Variants in SNX18 observed in about 807,000 individuals in gnomAD.
SNX18 encodes sorting nexin-18.
SNX18 carries 35 observed loss-of-function variants against 48.7 expected under a neutral mutation model. The ratio of observed to expected loss-of-function variants is 0.72; its 90% CI spans 0.55 to 0.95. The LOEUF (loss-of-function observed/expected upper bound fraction) is 0.95, where lower values mean the gene tolerates loss of function less well. Among genes scored for constraint, SNX18 ranks in the 40% least tolerant of loss-of-function variants. SNX18 has a pLI of 0.00. For synonymous variants in SNX18, 492 were observed against 384.7 expected (o/e 1.28, Z -3.26); for missense variants, 824 against 871.0 (o/e 0.95, Z 0.68).
chr5:54,605,696 G>A, the SNX18 span, among the ~76,000 whole-genome samples: 23 of 152,148 alleles, frequency 1.5e-4, no homozygotes, highest in South Asian at 2.1e-3. Context: ...GTCTTGCACC[G>A]TCACCCAGGC....
At chr5:54,611,354 A>G in the SNX18 span, among the ~76,000 whole-genome samples, 10 of 152,124 alleles carry the variant, frequency 6.6e-5, no homozygotes, top group Non-Finnish European at 7.4e-5. Flanking sequence ...CCAGAGAGAG[A>G]ATCACCATGC....
Position 54,518,321 on chromosome 5 carries a change from C to T in SNX18, c.369C>T (p.Gly123=), listed in dbSNP as rs886065458. 6.5e-7 allele frequency: 1 copy of T among 1,541,086 alleles called. No individual in the cohort carries two copies. Among genetic ancestry groups the T allele is most frequent in the Non-Finnish European group, 8.7e-7 (1 of 1,146,768 alleles). Reference sequence around the variant, plus strand: ...CTCCGAGCACCTTCCAGCCGCCCGGCGCGGGCTTCCCGTACGGCGGGGGCG... The same window carrying T: ...CTCCGAGCACCTTCCAGCCGCCCGGTGCGGGCTTCCCGTACGGCGGGGGCG... ...APPPSTFQPP[G]AGFPYGGGAL... Residue 123 remains glycine (G), a synonymous_variant, in exon 1 of 2, where the codon GGC becomes GGT. Coordinates refer to ENST00000381410, the MANE Select transcript of SNX18 (RefSeq NM_001102575.2).
the SNX18 span, among the ~76,000 whole-genome samples, chr5:54,611,667 A>G: frequency 6.6e-6 from 1 of 152,186 alleles, no homozygotes; most frequent in Non-Finnish European, 1.5e-5. Context: ...AAGAGGTTTC[A>G]GTCTATACCT....
At chr5:54,526,257 AC>A (rs1762129842) in intron 1 of SNX18, among the ~76,000 whole-genome samples, 1 of 152,096 alleles carries the variant, frequency 6.6e-6, no homozygotes, top group South Asian at 2.1e-4. Flanking sequence ...GGCATGTGCC[AC>A]CATGCTTGGC....
the SNX18 span, among the ~76,000 whole-genome samples, chr5:54,641,453 G>T: frequency 6.6e-6 from 1 of 152,080 alleles, no homozygotes; most frequent in Non-Finnish European, 1.5e-5. Context: ...GAGCTCTCTG[G>T]TTGAAGTTGG....
the SNX18 span, among the ~76,000 whole-genome samples, chr5:54,577,624 T>A: frequency 4.6e-5 from 7 of 152,120 alleles, no homozygotes; most frequent in Non-Finnish European, 1.0e-4. Flanking sequence ...TCCAGCCACA[T>A]GAAGATGAAC....
the SNX18 span, among the ~76,000 whole-genome samples, chr5:54,559,314 C>T: frequency 6.6e-6 from 1 of 152,192 alleles, no homozygotes; most frequent in South Asian, 2.1e-4. Context: ...TGCTACCCAA[C>T]TTCAAATTAC....
the SNX18 span, among the ~76,000 whole-genome samples, chr5:54,618,932 A>G: frequency 6.6e-6 from 1 of 151,320 alleles, no homozygotes; most frequent in Non-Finnish European, 1.5e-5. Context: ...TTCGAGTTTA[A>G]TATCTGAAAA....
the SNX18 span, among the ~76,000 whole-genome samples, chr5:54,575,200 T>C: frequency 6.6e-6 from 1 of 151,976 alleles, no homozygotes; most frequent in Non-Finnish European, 1.5e-5. Flanking sequence ...GGAGTCCAGC[T>C]ACCCCAAAGC....
At chr5:54,635,783 T>G in the SNX18 span, among the ~76,000 whole-genome samples, 1 of 152,246 alleles carries the variant, frequency 6.6e-6, no homozygotes, top group African/African-American at 2.4e-5. Flanking sequence ...CTTGATTTAA[T>G]GCTCTGCTGC....
chr5:54,595,723 C>A, the SNX18 span, among the ~76,000 whole-genome samples: 1 of 152,274 alleles, frequency 6.6e-6, no homozygotes, highest in East Asian at 1.9e-4. Flanking sequence ...GCTGCTGTAA[C>A]AAATTGTCAC....
the SNX18 span, among the ~76,000 whole-genome samples, chr5:54,609,343 T>A: frequency 1.3e-5 from 2 of 152,146 alleles, no homozygotes; most frequent in Non-Finnish European, 2.9e-5. Context: ...TTATGATTTA[T>A]CCTTCTCTTT....
At chr5:54,549,162 G>T (rs1762616650), downstream of SNX18, among the ~76,000 whole-genome samples, 1 of 152,204 alleles carries the variant, frequency 6.6e-6, no homozygotes, top group East Asian at 1.9e-4. Context: ...TGGACATATT[G>T]TGAGAAATGA....
chr5:54,601,975 T>C, the SNX18 span, among the ~76,000 whole-genome samples: 1 of 152,220 alleles, frequency 6.6e-6, no homozygotes, highest in African/African-American at 2.4e-5. Flanking sequence ...TAATTCCCTA[T>C]TCTCTGTTGC....
the SNX18 span, among the ~76,000 whole-genome samples, chr5:54,583,145 ATGTT>A: frequency 3.9e-5 from 6 of 152,156 alleles, no homozygotes; most frequent in African/African-American, 1.2e-4. Flanking sequence ...TAGACTCTGT[ATGTT>A]TGTTTGTTTA....
chr5:54,537,019 A>G (rs1305787092), intron 1 of SNX18, among the ~76,000 whole-genome samples: 1 of 152,162 alleles, frequency 6.6e-6, no homozygotes, highest in Admixed American at 6.5e-5. Flanking sequence ...TCAGCTGCAT[A>G]AATGTCTTCT....
chr5:54,642,129 T>C, the SNX18 span, among the ~76,000 whole-genome samples: 1 of 152,210 alleles, frequency 6.6e-6, no homozygotes, highest in Non-Finnish European at 1.5e-5. Flanking sequence ...ATTCCCCAAC[T>C]ATCAGGAACC....
the SNX18 span, among the ~76,000 whole-genome samples, chr5:54,627,017 G>A: frequency 0.011 from 1,625 of 152,274 alleles, 39 homozygotes; most frequent in African/African-American, 0.038. Flanking sequence ...GCTGTTCACT[G>A]ATGGATTCCT....
chr5:54,603,795 C>A, the SNX18 span, among the ~76,000 whole-genome samples: 2 of 152,252 alleles, frequency 1.3e-5, no homozygotes, highest in Admixed American at 1.3e-4. Flanking sequence ...CAGCCAAGAA[C>A]ACCAAACTAC....
Sources: allele counts gnomAD v4.1 joint callset (sites outside exome capture counted in the v4.1 genomes callset), GRCh38; gene constraint gnomAD v4.1.1; transcripts MANE v1.5; gene names NCBI Gene and HGNC (gene_info 2026-07-23, HGNC 2026-07-21).